SCFD2: variants seen among roughly 807,000 people sequenced by gnomAD.
SCFD2 encodes the protein sec1 family domain-containing protein 2.
In SCFD2, 54 loss-of-function variants were observed where a neutral mutation model predicts 58.9. That is an observed-to-expected ratio of 0.92 (90% confidence interval 0.74 to 1.15). The LOEUF (loss-of-function observed/expected upper bound fraction) is 1.15. Among genes scored for constraint, SCFD2 ranks in the 50% most tolerant of loss-of-function variants. The pLI is 0.00. For synonymous variants in SCFD2, 321 were observed against 335.9 expected, an observed-to-expected ratio of 0.96 and a Z score of 0.49; for missense variants, 805 against 836.6, an observed-to-expected ratio of 0.96 and a Z score of 0.47.
chr4:53,313,899 G>A (rs192966507), intron 2 of SCFD2, 136 bp from the exon 3 acceptor site: 1 of 667,362 alleles, frequency 1.5e-6, no homozygotes, highest in African/African-American at 1.8e-5. Context: ...TAAGTATTAG[G>A]ATTAAATAAA....
chr4:52,974,799 A>G (rs1343271507), intron 5 of SCFD2, among the ~76,000 whole-genome samples: 5 of 152,230 alleles, frequency 3.3e-5, no homozygotes, highest in South Asian at 2.1e-4. Flanking sequence ...CCAAAACAGC[A>G]TGGTACTGGT....
intron 5 of SCFD2, among the ~76,000 whole-genome samples, chr4:53,097,198 G>T: frequency 6.6e-6 from 1 of 152,212 alleles, no homozygotes; most frequent in East Asian, 1.9e-4. Flanking sequence ...GGCAATGGGG[G>T]CTCTCTTTTG....
chr4:52,932,490 C>T (rs1384805231), intron 5 of SCFD2, among the ~76,000 whole-genome samples: 3 of 152,142 alleles, frequency 2.0e-5, no homozygotes, highest in African/African-American at 7.2e-5. Context: ...GAGGTCCAGA[C>T]TCACTGACCG....
At chr4:52,972,991 C>T (rs943008827) in intron 5 of SCFD2, among the ~76,000 whole-genome samples, 10 of 152,260 alleles carry the variant, frequency 6.6e-5, no homozygotes, top group Middle Eastern at 3.4e-3. Flanking sequence ...CACAACATAC[C>T]GGAATCTCTG....
At chr4:53,138,233 T>C (rs1726001959) in intron 5 of SCFD2, among the ~76,000 whole-genome samples, 1 of 152,174 alleles carries the variant, frequency 6.6e-6, no homozygotes, top group Non-Finnish European at 1.5e-5. Flanking sequence ...CAGTTACGTT[T>C]ATATCAAGGT....
At chr4:53,047,059 T>C (rs1723059097) in intron 5 of SCFD2, among the ~76,000 whole-genome samples, 1 of 152,240 alleles carries the variant, frequency 6.6e-6, no homozygotes. Context: ...ATTTACTGAA[T>C]GCCTACTATA....
rs1394174126 is a variant in SCFD2, at chr4:52,903,339, G to C, written c.1842+4118C>G. 2.0e-5 allele frequency among the ~76,000 whole-genome samples: 3 copies of C among 152,150 alleles called. No homozygotes were observed. In the South Asian group the frequency reaches 6.2e-4, roughly 32 times the overall value. ...TACAGATGAAATAATGACCAGCTTT[G>C]CCTTGCTTAGTAGCTGCTGGAAAGG... On this transcript the variant is annotated intron_variant, in intron 7 of 8. Coordinates refer to ENST00000401642, the MANE Select transcript of SCFD2 (RefSeq NM_152540.4).
At chr4:52,996,116 C>T (rs1333440762) in intron 5 of SCFD2, among the ~76,000 whole-genome samples, 1 of 152,130 alleles carries the variant, frequency 6.6e-6, no homozygotes, top group Non-Finnish European at 1.5e-5. Context: ...AAAAAGTCAC[C>T]TCGATTATGG....
chr4:53,298,172 G>A (rs991450728), intron 3 of SCFD2, among the ~76,000 whole-genome samples: 1 of 152,114 alleles, frequency 6.6e-6, no homozygotes, highest in Non-Finnish European at 1.5e-5. Context: ...GAAGCGCAAG[G>A]GGTCAGGGAA....
At chr4:53,202,778 C>G (rs1343254624) in intron 4 of SCFD2, among the ~76,000 whole-genome samples, 1 of 152,046 alleles carries the variant, frequency 6.6e-6, no homozygotes, top group African/African-American at 2.4e-5. Flanking sequence ...ATTTTATTCT[C>G]TTTGAAGCAA....
At chr4:52,898,132 T>C (rs1489505108) in intron 7 of SCFD2, among the ~76,000 whole-genome samples, 1 of 152,132 alleles carries the variant, frequency 6.6e-6, no homozygotes, top group Non-Finnish European at 1.5e-5. Context: ...TTTTGAAGGG[T>C]TTTTTGTGTC....
intron 4 of SCFD2, among the ~76,000 whole-genome samples, chr4:53,204,258 A>G (rs1306480812): frequency 6.6e-6 from 1 of 152,110 alleles, no homozygotes; most frequent in African/African-American, 2.4e-5. Flanking sequence ...AACATGGAAT[A>G]TGGAAGATAA....
intron 5 of SCFD2, among the ~76,000 whole-genome samples, chr4:52,940,675 A>G (rs1245646902): frequency 6.6e-6 from 1 of 152,168 alleles, no homozygotes; most frequent in African/African-American, 2.4e-5. Context: ...CTGTGTCCCT[A>G]TTAAACTGAT....
At chr4:52,966,729 C>A (rs879575346) in intron 5 of SCFD2, among the ~76,000 whole-genome samples, 2 of 152,158 alleles carry the variant, frequency 1.3e-5, no homozygotes, top group Non-Finnish European at 2.9e-5. Context: ...CGACATCTTA[C>A]ATAAGTCTGG....
rs1458048293 is a variant in SCFD2, at chr4:53,145,333, C to T, written c.1561G>A (p.Asp521Asn). The change falls in exon 5 of 9, where the codon GAC (aspartate) becomes AAC (asparagine). Residue 521 changes from aspartate to asparagine, a missense_variant and splice_region_variant. This residue lies in a region of SCFD2 where 633 missense variants were observed against 646.8 expected (regional missense o/e 0.98). Transcript: ENST00000401642. The part of the protein sequence containing the change: ...GLSPLLQKIT[D>N]WDSSINLTFH... ...TCCTGTATCTTTGTTAGACACTCAC[C>T]CGTAATTTTTTGCAGCAAAGGTGAC... is the stretch of plus-strand genomic sequence containing the variant. 1 of 1,613,764 alleles carries T rather than the reference C, an allele frequency of 6.2e-7. No homozygotes were observed. The highest frequency in any genetic ancestry group is 8.5e-7 in the Non-Finnish European group (1 of 1,179,954).
chr4:52,969,462 C>T (rs115247875), intron 5 of SCFD2, among the ~76,000 whole-genome samples: 298 of 152,204 alleles, frequency 2.0e-3, no homozygotes, highest in South Asian at 4.4e-3. Flanking sequence ...TCATAAGGGC[C>T]CCTCTCAAAC....
intron 5 of SCFD2, among the ~76,000 whole-genome samples, chr4:52,972,393 A>G (rs1166569748): frequency 6.6e-6 from 1 of 152,204 alleles, no homozygotes; most frequent in Non-Finnish European, 1.5e-5. Context: ...CAGACTTTAA[A>G]GCAACAAAGA....
At position 53,111,996 on chromosome 4, in the gene SCFD2, A is replaced by AAAC. The variant is rs548414114; in HGVS notation, c.1561+33334_1561+33336dup. On this transcript the variant is annotated intron_variant, in intron 5 of 8. Coordinates refer to ENST00000401642, the MANE Select transcript of SCFD2 (RefSeq NM_152540.4). Reference sequence around the variant, plus strand: ...AATTAGTCAAAGATAAATGTGCTAAAAACAACAACAACAACAAATGAAGAT... The same window carrying AAAC: ...AATTAGTCAAAGATAAATGTGCTAAAAACAACAACAACAACAACAAATGAAGAT... 4.6e-5 allele frequency among the ~76,000 whole-genome samples: 7 copies of AAAC among 152,120 alleles called. No homozygotes were observed. The East Asian group carries it at 7.7e-4, about 17-fold the overall frequency.
chr4:53,031,105 T>C (rs1442766238), intron 5 of SCFD2, among the ~76,000 whole-genome samples: 1 of 152,176 alleles, frequency 6.6e-6, no homozygotes, highest in East Asian at 1.9e-4. Flanking sequence ...TCTTTGCTGT[T>C]CTGCAGCCTC....
Sources: allele counts gnomAD v4.1 joint callset (sites outside exome capture counted in the v4.1 genomes callset), GRCh38; gene constraint gnomAD v4.1.1; regional missense constraint gnomAD v4.1.1; transcripts MANE v1.5; gene names NCBI Gene and HGNC (gene_info 2026-07-23, HGNC 2026-07-21).